The following GALNT13 variants were observed in gnomAD, a reference collection of about 807,000 sequenced individuals.
GALNT13 encodes the protein polypeptide N-acetylgalactosaminyltransferase 13, also known as UDP-GalNAc:polypeptide N-acetylgalactosaminyltransferase 13.
GALNT13 carries 28 observed loss-of-function variants against 64.2 expected under a neutral mutation model. The ratio of observed to expected loss-of-function variants is 0.44; its 90% CI spans 0.32 to 0.60. The LOEUF (loss-of-function observed/expected upper bound fraction) is 0.60. GALNT13 is among the 20% of genes least tolerant of loss of function. The pLI is 0.05. For missense variants in GALNT13, 577 were observed against 669.8 expected, an observed-to-expected ratio of 0.86 and a Z score of 1.53; for synonymous variants, 214 against 224.6, an observed-to-expected ratio of 0.95 and a Z score of 0.42.
chr2:153,288,879 T>C, the GALNT13 span, among the ~76,000 whole-genome samples: 3 of 152,178 alleles, frequency 2.0e-5, no homozygotes, highest in Admixed American at 6.6e-5. Flanking sequence ...TGTACTTAAA[T>C]TTATATACTT....
At chr2:153,400,059 G>A in the GALNT13 span, among the ~76,000 whole-genome samples, 1 of 151,878 alleles carries the variant, frequency 6.6e-6, no homozygotes, top group South Asian at 2.1e-4. Flanking sequence ...CTGGCTGTGG[G>A]TTTGTCATAG....
intron 3 of GALNT13, among the ~76,000 whole-genome samples, chr2:154,087,022 GA>G (rs34292121): frequency 1.3e-5 from 2 of 151,908 alleles, no homozygotes; most frequent in African/African-American, 4.8e-5. Flanking sequence ...ATCTTGGTAG[GA>G]AAAAGGTAAA....
At chr2:154,421,343 A>G (rs935405732) in intron 11 of GALNT13, among the ~76,000 whole-genome samples, 7 of 152,096 alleles carry the variant, frequency 4.6e-5, no homozygotes, top group Admixed American at 3.3e-4. Context: ...TAAGGAGACT[A>G]ATCAAGTGGA....
the GALNT13 span, among the ~76,000 whole-genome samples, chr2:153,288,373 T>C: frequency 6.6e-6 from 1 of 152,178 alleles, no homozygotes; most frequent in Non-Finnish European, 1.5e-5. Context: ...TTCCACTGCT[T>C]TAGATACCTG....
At chr2:154,421,763 ACAT>A (rs1574276014) in intron 11 of GALNT13, among the ~76,000 whole-genome samples, 1 of 152,114 alleles carries the variant, frequency 6.6e-6, no homozygotes, top group Non-Finnish European at 1.5e-5. Flanking sequence ...TCTTTTAATT[ACAT>A]CATATATAAT....
the GALNT13 span, among the ~76,000 whole-genome samples, chr2:153,244,426 T>C: frequency 0.34 from 51,772 of 151,948 alleles, 9,031 homozygotes; most frequent in Middle Eastern, 0.51. Context: ...AGAAGGTGGG[T>C]GATTTCTGCA....
chr2:154,260,877 G>A (rs934766245), intron 8 of GALNT13, among the ~76,000 whole-genome samples: 1 of 152,034 alleles, frequency 6.6e-6, no homozygotes. Flanking sequence ...CAGAAATACC[G>A]CTACTATATA....
intron 2 of GALNT13, among the ~76,000 whole-genome samples, chr2:153,915,378 CAT>C (rs755909426): frequency 6.6e-5 from 10 of 152,232 alleles, no homozygotes; most frequent in Non-Finnish European, 1.3e-4. Context: ...TGAATGAACA[CAT>C]GTTTATTTGT....
the GALNT13 span, among the ~76,000 whole-genome samples, chr2:153,717,098 G>C: frequency 6.6e-6 from 1 of 152,078 alleles, no homozygotes; most frequent in African/African-American, 2.4e-5. Flanking sequence ...GGGCCCTTTG[G>C]AAGCACTGTA....
In GALNT13 at chr2:154,287,320, C is replaced by T. The variant is rs1574021475; in HGVS notation, c.976-14089C>T. 6.3e-6 allele frequency: 4 copies of T among 637,744 alleles called. No individual in the cohort carries two copies. In the East Asian group the frequency reaches 1.2e-4, roughly 19 times the overall value. 39.5% of individuals were successfully genotyped at this position (637,744 alleles called of 1,614,324 possible). On this transcript the variant is annotated intron_variant, in intron 8 of 12. Coordinates refer to ENST00000392825, the MANE Select transcript of GALNT13 (RefSeq NM_052917.4). ...CCATGGCGGGGACAGTCTGATTGAGCTGTGTAAGTTGGAAGCAGCGAGACA... is the reference window on the plus strand; with the variant it reads ...CCATGGCGGGGACAGTCTGATTGAGTTGTGTAAGTTGGAAGCAGCGAGACA...
the GALNT13 span, among the ~76,000 whole-genome samples, chr2:153,324,303 A>G: frequency 6.6e-6 from 1 of 152,062 alleles, no homozygotes; most frequent in African/African-American, 2.4e-5. Flanking sequence ...CTTGTCTATT[A>G]TTGGTGTATA....
At chr2:153,861,731 T>C in the GALNT13 span, among the ~76,000 whole-genome samples, 3 of 151,982 alleles carry the variant, frequency 2.0e-5, no homozygotes, top group Non-Finnish European at 2.9e-5. Context: ...CATGCACAGC[T>C]AATTTTTGTG....
At chr2:154,310,390 C>G (rs1208402758) in intron 9 of GALNT13, among the ~76,000 whole-genome samples, 1 of 152,050 alleles carries the variant, frequency 6.6e-6, no homozygotes, top group Admixed American at 6.6e-5. Context: ...ACCATGTATC[C>G]TTCAAATCTT....
At chr2:153,258,638 G>T in the GALNT13 span, among the ~76,000 whole-genome samples, 1 of 151,436 alleles carries the variant, frequency 6.6e-6, no homozygotes, top group African/African-American at 2.4e-5. Context: ...CATCTCATAG[G>T]ATTTAATATG....
the GALNT13 span, among the ~76,000 whole-genome samples, chr2:153,780,348 A>G: frequency 0.012 from 1,858 of 151,440 alleles, 33 homozygotes; most frequent in African/African-American, 0.042. Context: ...TGGAACCACT[A>G]AAGTCCTTTA....
intron 9 of GALNT13, among the ~76,000 whole-genome samples, chr2:154,313,598 G>A (rs753126133): frequency 6.6e-6 from 1 of 151,780 alleles, no homozygotes; most frequent in Non-Finnish European, 1.5e-5. Context: ...GGGACTATAG[G>A]CATGCATCAC....
At chr2:153,449,200 C>T in the GALNT13 span, among the ~76,000 whole-genome samples, 1 of 152,232 alleles carries the variant, frequency 6.6e-6, no homozygotes, top group South Asian at 2.1e-4. Context: ...GCCCCTAGAA[C>T]TGTAAGAAAA....
the GALNT13 span, among the ~76,000 whole-genome samples, chr2:153,217,307 A>T: frequency 6.6e-6 from 1 of 152,166 alleles, no homozygotes; most frequent in Admixed American, 6.5e-5. Flanking sequence ...TGCATTTATC[A>T]TAAACTTGCC....
the GALNT13 span, among the ~76,000 whole-genome samples, chr2:153,567,108 A>C: frequency 6.6e-6 from 1 of 152,182 alleles, no homozygotes; most frequent in African/African-American, 2.4e-5. Context: ...CTTAATGCCC[A>C]AGAAGGGCAG....
Sources: allele counts gnomAD v4.1 joint callset (sites outside exome capture counted in the v4.1 genomes callset), GRCh38; gene constraint gnomAD v4.1.1; transcripts MANE v1.5; gene names NCBI Gene and HGNC (gene_info 2026-07-23, HGNC 2026-07-21).